Variants in OPCML observed in about 807,000 individuals in gnomAD.
OPCML encodes the protein opioid-binding protein/cell adhesion molecule.
In OPCML, 13 loss-of-function variants were observed where a neutral mutation model predicts 37.8. The ratio of observed to expected loss-of-function variants is 0.34; its 90% CI spans 0.22 to 0.55. The LOEUF (loss-of-function observed/expected upper bound fraction) is 0.55, where lower values mean the gene tolerates loss of function less well. Ranked by LOEUF, OPCML falls within the 20% of genes least tolerant of loss-of-function variation. The pLI, the probability that OPCML is intolerant of heterozygous loss-of-function variation, is 0.91. For synonymous variants in OPCML, 176 were observed against 168.8 expected (o/e 1.04, Z -0.33); for missense variants, 341 against 435.6 (o/e 0.78, Z 1.93).
chr11:133,093,100 G>T (rs1447630673), intron 1 of OPCML, among the ~76,000 whole-genome samples: 1 of 151,878 alleles, frequency 6.6e-6, no homozygotes, highest in Non-Finnish European at 1.5e-5. Context: ...ATAGGTTTTT[G>T]ATGAACAGGG....
chr11:133,483,340 A>AG (rs11435920), intron 1 of OPCML, among the ~76,000 whole-genome samples: 16 of 82,980 alleles, frequency 1.9e-4, no homozygotes, highest in African/African-American at 9.6e-4. Context: ...ATAGATAGAT[A>AG]ATAGATATAG....
chr11:133,201,546 G>T (rs574084753), intron 1 of OPCML, among the ~76,000 whole-genome samples: 1 of 152,258 alleles, frequency 6.6e-6, no homozygotes, highest in East Asian at 1.9e-4. Context: ...TAGGTAAGTG[G>T]CATGAGAGCA....
At chr11:132,564,755 A>T (rs2096418553) in intron 3 of OPCML, among the ~76,000 whole-genome samples, 1 of 152,168 alleles carries the variant, frequency 6.6e-6, no homozygotes, top group African/African-American at 2.4e-5. Context: ...GTCTCTGTGG[A>T]TGTGTTTTAT....
At chr11:132,617,324 G>A (rs944206306) in intron 3 of OPCML, among the ~76,000 whole-genome samples, 3 of 152,204 alleles carry the variant, frequency 2.0e-5, no homozygotes, top group African/African-American at 7.2e-5. Context: ...TCTTTCAACT[G>A]AGCAAGAGTT....
chr11:132,575,850 T>C (rs1271692708), intron 3 of OPCML, among the ~76,000 whole-genome samples: 1 of 152,104 alleles, frequency 6.6e-6, no homozygotes, highest in Non-Finnish European at 1.5e-5. Flanking sequence ...TACACTGCTT[T>C]ATTTTTGTCT....
chr11:132,676,442 A>G (rs1224947828), intron 2 of OPCML, among the ~76,000 whole-genome samples: 1 of 152,054 alleles, frequency 6.6e-6, no homozygotes, highest in Non-Finnish European at 1.5e-5. Context: ...ATTGGATTTC[A>G]TAAAAATTAA....
At chr11:133,322,349 T>A (rs1009492761) in intron 1 of OPCML, among the ~76,000 whole-genome samples, 6 of 152,232 alleles carry the variant, frequency 3.9e-5, no homozygotes, top group Admixed American at 6.5e-5. Context: ...TACATGCACA[T>A]CCCGCACACA....
intron 1 of OPCML, among the ~76,000 whole-genome samples, chr11:133,238,019 G>A (rs185485741): frequency 3.9e-5 from 6 of 152,298 alleles, no homozygotes; most frequent in Admixed American, 2.0e-4. Flanking sequence ...GTGACATTGC[G>A]GCTAGTAGCA....
At chr11:132,784,908 G>A (rs1359026269) in intron 2 of OPCML, among the ~76,000 whole-genome samples, 3 of 152,270 alleles carry the variant, frequency 2.0e-5, no homozygotes, top group South Asian at 2.1e-4. Context: ...GCAGAACCAT[G>A]AGTCAAATAA....
chr11:132,611,693 A>C (rs565993568), intron 3 of OPCML, among the ~76,000 whole-genome samples: 2 of 152,206 alleles, frequency 1.3e-5, no homozygotes, highest in East Asian at 3.9e-4. Context: ...AGAAAGGGGG[A>C]GGAATACAGT....
intron 1 of OPCML, among the ~76,000 whole-genome samples, chr11:133,009,939 A>G (rs1048927740): frequency 1.3e-5 from 2 of 152,244 alleles, no homozygotes; most frequent in African/African-American, 2.4e-5. Flanking sequence ...GAAAGCATTC[A>G]GAGGAGAATG....
intron 2 of OPCML, among the ~76,000 whole-genome samples, chr11:132,776,050 C>T (rs1331346275): frequency 1.9e-4 from 29 of 152,142 alleles, no homozygotes; most frequent in Non-Finnish European, 1.5e-5. Flanking sequence ...CCACCTCAGC[C>T]TCCCAAGTAG....
At chr11:132,682,527 G>A (rs1242553281) in intron 2 of OPCML, among the ~76,000 whole-genome samples, 1 of 152,078 alleles carries the variant, frequency 6.6e-6, no homozygotes, top group Non-Finnish European at 1.5e-5. Flanking sequence ...ATCATCTTTG[G>A]GACATTAATT....
At chr11:132,681,307 C>T (rs1942932009) in intron 2 of OPCML, among the ~76,000 whole-genome samples, 1 of 152,330 alleles carries the variant, frequency 6.6e-6, no homozygotes, top group Non-Finnish European at 1.5e-5. Context: ...CCTGGCCTGC[C>T]CTGCCCCCTG....
intron 1 of OPCML, among the ~76,000 whole-genome samples, chr11:133,012,926 C>T (rs899082125): frequency 2.6e-5 from 4 of 151,956 alleles, no homozygotes; most frequent in Middle Eastern, 3.4e-3. Flanking sequence ...CCCACAGCAT[C>T]CTGGATATTT....
intron 1 of OPCML, among the ~76,000 whole-genome samples, chr11:133,474,215 A>G (rs1156760293): frequency 2.0e-5 from 3 of 152,326 alleles, no homozygotes; most frequent in South Asian, 4.1e-4. Flanking sequence ...CTCTGACTGA[A>G]CTAGAATGCA....
At chr11:133,180,244 C>T (rs1937759463) in intron 1 of OPCML, among the ~76,000 whole-genome samples, 1 of 152,138 alleles carries the variant, frequency 6.6e-6, no homozygotes, top group African/African-American at 2.4e-5. Context: ...GTAGCGGACC[C>T]TCACGTGTGC....
intron 1 of OPCML, among the ~76,000 whole-genome samples, chr11:133,256,592 G>C (rs541071557): frequency 6.6e-6 from 1 of 152,288 alleles, no homozygotes; most frequent in East Asian, 1.9e-4. Context: ...GATTTTACGT[G>C]ATATGTGGTG....
chr11:133,207,631 C>G (rs142388332), intron 1 of OPCML, among the ~76,000 whole-genome samples: 133 of 152,258 alleles, frequency 8.7e-4, no homozygotes, highest in African/African-American at 2.9e-3. Context: ...TCCTCAAATT[C>G]TGATTCTAAT....
Sources: gnomAD v4.1 joint callset for allele counts (sites outside exome capture counted in the v4.1 genomes callset) on GRCh38, gnomAD v4.1.1 for gene constraint, MANE v1.5 for transcripts, NCBI Gene and HGNC (gene_info 2026-07-23, HGNC 2026-07-21) for gene names.